The following BIRC6 variants were observed in gnomAD, a reference collection of about 807,000 sequenced individuals.
BIRC6 encodes the protein baculoviral IAP repeat containing 6, also known as dual E2 ubiquitin-conjugating enzyme/E3 ubiquitin-protein ligase BIRC6.
A neutral mutation model predicts 503.3 loss-of-function variants in BIRC6; 98 were observed. That is an observed-to-expected ratio of 0.19 (90% CI 0.17 to 0.23). The LOEUF is 0.23. Ranked by LOEUF, BIRC6 falls within the 10% of genes least tolerant of loss-of-function variation. The probability of loss-of-function intolerance (pLI) is 1.00; values close to 1 mark genes in which losing one functional copy is unlikely to be tolerated. For missense variants in BIRC6, 5,360 were observed against 5,806.0 expected (o/e 0.92, Z 2.50); for synonymous variants, 2,240 against 2,078.7 (o/e 1.08, Z -2.11).
rs1452404535 is a variant in BIRC6 at position 32,543,657 on chromosome 2, T to C, written c.12592+116T>C. ...CTTCATAGTTAAGCTGTTAGATGAT[T>C]TGTAAGTGGTAGCTCACTTCCAGTA... On this transcript the variant is annotated intron_variant, in intron 62 of 73. Transcript: ENST00000421745. 1.3e-5 allele frequency: 13 copies of C among 1,006,876 alleles called. No individual in the cohort carries two copies. In the East Asian group the frequency reaches 3.4e-4, roughly 26 times the overall value. 62.4% of individuals were successfully genotyped at this position (1,006,876 alleles called of 1,614,324 possible). A position where few individuals can be genotyped will look rare whatever the true frequency, so the allele number is the denominator to read the frequency against.
intron 65 of BIRC6, among the ~76,000 whole-genome samples, chr2:32,568,246 G>A (rs1376643819): frequency 1.3e-5 from 2 of 148,340 alleles, no homozygotes; most frequent in Non-Finnish European, 3.0e-5. Flanking sequence ...ATCGTAACAC[G>A]TTAGGAGGCC....
rs181872009 is a variant in BIRC6 at position 32,512,823 on chromosome 2, T to C, written c.10347-110T>C. On this transcript the variant is annotated intron_variant, in intron 53 of 73. Transcript: ENST00000421745. Reference sequence around the variant, plus strand: ...GATTAAAATAATCAAAAACAATTAGTGCATTATTCTCATAAATACCCTACT... The same window carrying C: ...GATTAAAATAATCAAAAACAATTAGCGCATTATTCTCATAAATACCCTACT... 740 of 753,088 alleles carry C rather than the reference T, an allele frequency of 9.8e-4. 4 individuals carry two copies. In the African/African-American group the frequency reaches 0.011, roughly 11 times the overall value. 46.7% of individuals were successfully genotyped at this position (753,088 alleles called of 1,614,324 possible).
intron 22 of BIRC6, among the ~76,000 whole-genome samples, chr2:32,451,504 T>G (rs1271105671): frequency 6.6e-6 from 1 of 152,254 alleles, no homozygotes; most frequent in Non-Finnish European, 1.5e-5. Context: ...AAAATGTCGG[T>G]TTCATTTTAA....
At chr2:32,590,207 C>G (rs534665117) in intron 66 of BIRC6, among the ~76,000 whole-genome samples, 13 of 152,276 alleles carry the variant, frequency 8.5e-5, no homozygotes, top group African/African-American at 3.1e-4. Context: ...ACTATAATTA[C>G]TGTCAAAGAG....
At chr2:32,431,265 G>A (rs975478858) in intron 12 of BIRC6, among the ~76,000 whole-genome samples, 175 bp downstream of exon 12, 2 of 122,996 alleles carry the variant, frequency 1.6e-5, no homozygotes, top group Admixed American at 1.1e-4. Flanking sequence ...GCGCAATCTC[G>A]GCTCACTGCA....
chr2:32,435,677 A>G, intron 14 of BIRC6, 92 bp downstream of exon 14: 1 of 1,346,804 alleles, frequency 7.4e-7, no homozygotes, highest in Non-Finnish European at 9.8e-7. Context: ...ATGGCTTGCA[A>G]AAACTTGGTT....
intron 22 of BIRC6, 43 bp downstream of exon 22, chr2:32,448,971 T>A: frequency 6.3e-7 from 1 of 1,575,372 alleles, no homozygotes; most frequent in East Asian, 2.2e-5. Context: ...ATGTTGTATC[T>A]TGGATTTAAG....
intron 32 of BIRC6, among the ~76,000 whole-genome samples, chr2:32,471,588 C>G (rs1455099566): frequency 6.6e-6 from 1 of 152,036 alleles, no homozygotes; most frequent in Non-Finnish European, 1.5e-5. Context: ...TTTATAGGTT[C>G]AAAGCACAGA....
At chr2:32,412,661 T>A (rs1208983305) in intron 9 of BIRC6, among the ~76,000 whole-genome samples, 1 of 152,134 alleles carries the variant, frequency 6.6e-6, no homozygotes, top group Non-Finnish European at 1.5e-5. Flanking sequence ...CTAGTTATTT[T>A]TTTTTTTCTA....
intron 1 of BIRC6, among the ~76,000 whole-genome samples, chr2:32,375,100 A>G (rs1573744891): frequency 6.6e-6 from 1 of 152,176 alleles, no homozygotes; most frequent in Non-Finnish European, 1.5e-5. Context: ...TTTTAGAGCT[A>G]TTGTAAACTG....
At chr2:32,590,003 TTAAG>T (rs1335692363) in intron 66 of BIRC6, among the ~76,000 whole-genome samples, 1 of 152,162 alleles carries the variant, frequency 6.6e-6, no homozygotes, top group Non-Finnish European at 1.5e-5. Flanking sequence ...CACTTAGAGA[TTAAG>T]TAAAAACAAA....
intron 10 of BIRC6, among the ~76,000 whole-genome samples, chr2:32,427,674 A>G (rs1482598430): frequency 2.6e-5 from 4 of 152,090 alleles, no homozygotes; most frequent in African/African-American, 7.2e-5. Context: ...CTCTTATTCT[A>G]TAAAAATATT....
Position 32,488,714 on chromosome 2 carries a change from G to A in BIRC6, c.8095G>A (p.Ala2699Thr). Residue 2699 changes from alanine (A) to threonine (T), a missense_variant and splice_region_variant, in exon 42 of 74, where the codon GCA becomes ACA. Physicochemically the swap from Ala to Thr is moderately conservative, Grantham distance 58. Around this residue, in one of 16 missense-constraint regions of BIRC6, gnomAD observed 2,299 missense variants for 2,267.2 expected, o/e 1.01. Coordinates refer to ENST00000421745, the MANE Select transcript of BIRC6 (RefSeq NM_016252.4). Reference sequence around the variant, plus strand: ...GATACCTGTTATTTCATTAAATCAAGGTAAGATTTATTAGGAGAAAAACAT... The same window carrying A: ...GATACCTGTTATTTCATTAAATCAAAGTAAGATTTATTAGGAGAAAAACAT... ...NRIPVISLNQ[A>T]SITSFLTVLA... 3.6e-6 allele frequency: 5 copies of A among 1,385,896 alleles called. No homozygotes were observed. Among genetic ancestry groups the A allele is most frequent in the South Asian group, 1.4e-5 (1 of 72,916 alleles). 85.8% of individuals were successfully genotyped at this position (1,385,896 alleles called of 1,614,324 possible). A position where few individuals can be genotyped will look rare whatever the true frequency, so the allele number is the denominator to read the frequency against.
chr2:32,418,161 A>G (rs2042579126), intron 10 of BIRC6, among the ~76,000 whole-genome samples: 1 of 152,258 alleles, frequency 6.6e-6, no homozygotes, highest in Non-Finnish European at 1.5e-5. Context: ...AATTTAGAAA[A>G]TGAGCAGTGT....
intron 71 of BIRC6, among the ~76,000 whole-genome samples, chr2:32,603,838 A>T (rs149120640): frequency 6.1e-4 from 93 of 151,922 alleles, no homozygotes; most frequent in African/African-American, 2.0e-3. Flanking sequence ...TACATTATGG[A>T]TTAAAAATAA....
chr2:32,411,870 G>C (rs1004665024), intron 9 of BIRC6, among the ~76,000 whole-genome samples: 3 of 152,170 alleles, frequency 2.0e-5, no homozygotes, highest in African/African-American at 7.2e-5. Flanking sequence ...CAGATCAGTG[G>C]AAAGAATTTT....
At chr2:32,492,448 C>T (rs2051858565) in intron 44 of BIRC6, among the ~76,000 whole-genome samples, 1 of 151,980 alleles carries the variant, frequency 6.6e-6, no homozygotes, top group African/African-American at 2.4e-5. Context: ...TAGATTGGGA[C>T]AGGGTTTTGG....
In BIRC6 at chr2:32,357,341, C is replaced by G; in HGVS notation, c.180C>G (p.Asp60Glu). ...TCTCAGAGTGGCTGGTGCTGCGGGA[C>G]GGCTGCATGCACTGCGACGCCGACG... Reference protein sequence around the residue: ...AGVSEWLVLRDGCMHCDADGL... With the variant: ...AGVSEWLVLREGCMHCDADGL... The change falls in exon 1 of 74, where the codon GAC becomes GAG. Residue 60 changes from aspartate (D) to glutamate (E), a missense_variant. Asp to Glu is a conservative substitution (Grantham distance 45, BLOSUM62 2). Around this residue, in one of 16 missense-constraint regions of BIRC6, gnomAD observed 145 missense variants for 106.9 expected, o/e 1.36. Coordinates refer to ENST00000421745, the MANE Select transcript of BIRC6 (RefSeq NM_016252.4). The surrounding 1 kb of genome is among the most constrained non-coding windows in gnomAD (Gnocchi z 4.9). 6.5e-7 allele frequency: 1 copy of G among 1,541,768 alleles called. No individual in the cohort carries two copies. Among genetic ancestry groups the G allele is most frequent in the South Asian group, 1.2e-5 (1 of 83,526 alleles).
chr2:32,431,174 T>A, intron 12 of BIRC6, 84 bp downstream of exon 12: 1 of 458,024 alleles, frequency 2.2e-6, no homozygotes, highest in Admixed American at 3.8e-5. Flanking sequence ...GGTATATTAC[T>A]GTTTATCTTT....
Sources: allele counts gnomAD v4.1 joint callset (sites outside exome capture counted in the v4.1 genomes callset), GRCh38; gene constraint gnomAD v4.1.1; regional missense constraint gnomAD v4.1.1; non-coding constraint Gnocchi (gnomAD v3.1); transcripts MANE v1.5; gene names NCBI Gene and HGNC (gene_info 2026-07-23, HGNC 2026-07-21).